Variants in PRKD1 observed in about 807,000 individuals in gnomAD.
PRKD1 encodes the protein protein kinase D1.
Under a neutral mutation model 95.9 loss-of-function variants are expected in PRKD1, and 63 were observed. The ratio of observed to expected loss-of-function variants is 0.66; its 90% CI spans 0.54 to 0.81. The LOEUF is 0.81. Ranked by LOEUF, PRKD1 falls within the 30% of genes least tolerant of loss-of-function variation. The pLI is 0.00. For missense variants in PRKD1, 1,048 were observed against 1,165.3 expected (o/e 0.90, Z 1.47); for synonymous variants, 425 against 423.1 (o/e 1.00, Z -0.05).
At chr14:29,671,809 TAAG>T (rs1882858446) in intron 2 of PRKD1, among the ~76,000 whole-genome samples, 1 of 152,272 alleles carries the variant, frequency 6.6e-6, no homozygotes, top group East Asian at 1.9e-4. Context: ...AGCCCTTTTG[TAAG>T]AAGAACAGAA....
intron 2 of PRKD1, among the ~76,000 whole-genome samples, chr14:29,709,222 T>C (rs1459740524): frequency 6.6e-6 from 1 of 152,176 alleles, no homozygotes; most frequent in Non-Finnish European, 1.5e-5. Context: ...TTAAAAGACA[T>C]ACAATTTATT....
intron 1 of PRKD1, among the ~76,000 whole-genome samples, chr14:29,847,234 C>A (rs1594573231): frequency 6.6e-6 from 1 of 152,174 alleles, no homozygotes; most frequent in Admixed American, 6.5e-5. Flanking sequence ...TATATTACCA[C>A]AGTAATTACA....
chr14:29,797,507 T>C (rs1203357650), intron 1 of PRKD1, among the ~76,000 whole-genome samples: 2 of 152,224 alleles, frequency 1.3e-5, no homozygotes, highest in Non-Finnish European at 1.5e-5. Context: ...CTGATCCTGC[T>C]CTAACCAGAC....
chr14:29,579,484 T>C (rs573771397), intron 16 of PRKD1, among the ~76,000 whole-genome samples: 1 of 152,182 alleles, frequency 6.6e-6, no homozygotes, highest in South Asian at 2.1e-4. Flanking sequence ...AAAATGAAAA[T>C]TAACTCCTCA....
intron 1 of PRKD1, among the ~76,000 whole-genome samples, chr14:29,750,327 T>A (rs1258470184): frequency 3.3e-5 from 5 of 152,206 alleles, no homozygotes; most frequent in Admixed American, 3.3e-4. Flanking sequence ...AATTTTACCA[T>A]AAGCTAGTTG....
intron 1 of PRKD1, among the ~76,000 whole-genome samples, chr14:29,857,793 A>G (rs1466742042): frequency 6.6e-6 from 1 of 152,186 alleles, no homozygotes; most frequent in Non-Finnish European, 1.5e-5. Flanking sequence ...TAAGGTGGTG[A>G]AAATCTGATA....
chr14:29,787,241 G>A (rs1367863509), intron 1 of PRKD1, among the ~76,000 whole-genome samples: 22 of 136,728 alleles, frequency 1.6e-4, no homozygotes, highest in African/African-American at 6.2e-4. Context: ...TTTTTTTGAG[G>A]CCTAATATAT....
intron 17 of PRKD1, 56 bp downstream of exon 17, chr14:29,578,219 T>C: frequency 6.3e-6 from 8 of 1,279,934 alleles, no homozygotes; most frequent in Non-Finnish European, 8.7e-6. Context: ...AATATCAAAA[T>C]CCTATAAATA....
chr14:29,799,850 C>T (rs1054920922), intron 1 of PRKD1, among the ~76,000 whole-genome samples: 1 of 152,192 alleles, frequency 6.6e-6, no homozygotes, highest in African/African-American at 2.4e-5. Context: ...GCTTACACTG[C>T]CTTCTTGTTT....
At chr14:29,848,589 A>C (rs1566634737) in intron 1 of PRKD1, among the ~76,000 whole-genome samples, 1 of 152,032 alleles carries the variant, frequency 6.6e-6, no homozygotes, top group Non-Finnish European at 1.5e-5. Context: ...AAAAAAAACA[A>C]AACAGCAAAC....
chr14:29,827,376 G>T (rs1471932036), intron 1 of PRKD1, among the ~76,000 whole-genome samples: 1 of 152,118 alleles, frequency 6.6e-6, no homozygotes, highest in Non-Finnish European at 1.5e-5. Context: ...GCATGTGGGA[G>T]TTATGGTTAG....
intron 1 of PRKD1, among the ~76,000 whole-genome samples, chr14:29,757,581 CA>C (rs1361562758): frequency 6.6e-6 from 1 of 151,692 alleles, no homozygotes; most frequent in Non-Finnish European, 1.5e-5. Flanking sequence ...AGTGTCACAA[CA>C]AAGACTTTGC....
chr14:29,636,550 A>G, intron 6 of PRKD1, 56 bp from the exon 7 acceptor site: 1 of 1,566,902 alleles, frequency 6.4e-7, no homozygotes, highest in Non-Finnish European at 8.8e-7. Context: ...GCCAGGGCTT[A>G]AGAGACAGTC....
intron 11 of PRKD1, among the ~76,000 whole-genome samples, chr14:29,628,443 G>C (rs1879770200): frequency 6.6e-6 from 1 of 152,146 alleles, no homozygotes; most frequent in Non-Finnish European, 1.5e-5. Flanking sequence ...ACATTTGACG[G>C]ACTGTAAAAT....
chr14:29,700,988 G>GCGCGCGCGCACA (rs140824053), intron 2 of PRKD1, among the ~76,000 whole-genome samples: 161 of 90,582 alleles, frequency 1.8e-3, no homozygotes, highest in African/African-American at 2.5e-3. Flanking sequence ...GCGCGCGCGC[G>GCGCGCGCGCACA]CACACACACA....
intron 13 of PRKD1, among the ~76,000 whole-genome samples, chr14:29,608,451 G>A (rs1453885673): frequency 1.3e-5 from 2 of 151,746 alleles, no homozygotes; most frequent in African/African-American, 4.8e-5. Context: ...TGATATATAA[G>A]GGAAAGATGA....
At chr14:29,659,363 A>C (rs563047900) in intron 4 of PRKD1, among the ~76,000 whole-genome samples, 5 of 152,242 alleles carry the variant, frequency 3.3e-5, no homozygotes, top group Admixed American at 3.3e-4. Flanking sequence ...CATACAATCC[A>C]TTGTATGACT....
At chr14:29,697,683 T>C (rs546435729) in intron 2 of PRKD1, among the ~76,000 whole-genome samples, 1 of 152,272 alleles carries the variant, frequency 6.6e-6, no homozygotes, top group East Asian at 1.9e-4. Context: ...TTTTAGAAGA[T>C]CACACTTTAG....
chr14:29,681,066 G>A (rs1349780394), intron 2 of PRKD1, among the ~76,000 whole-genome samples: 6 of 151,868 alleles, frequency 4.0e-5, no homozygotes, highest in Admixed American at 3.3e-4. Context: ...CTGCAAATGA[G>A]AAACAAAAAA....
Sources: allele counts gnomAD v4.1 joint callset (sites outside exome capture counted in the v4.1 genomes callset), GRCh38; gene constraint gnomAD v4.1.1; transcripts MANE v1.5; gene names NCBI Gene and HGNC (gene_info 2026-07-23, HGNC 2026-07-21).